Variants in TNFRSF19 observed in about 807,000 individuals in gnomAD.
TNFRSF19 encodes the protein tumor necrosis factor receptor superfamily member 19.
In TNFRSF19, 27 loss-of-function variants were observed where a neutral mutation model predicts 46.4. The observed-to-expected ratio is 0.58, with a 90% CI of 0.43 to 0.80. The LOEUF is 0.80. Ranked by LOEUF, TNFRSF19 falls within the 30% of genes least tolerant of loss-of-function variation. The pLI is 0.00. For synonymous variants in TNFRSF19, 204 were observed against 205.0 expected, an observed-to-expected ratio of 1.00 and a Z score of 0.04; for missense variants, 511 against 530.8, an observed-to-expected ratio of 0.96 and a Z score of 0.37.
At chr13:23,580,817 G>A (rs1317577683) in intron 1 of TNFRSF19, among the ~76,000 whole-genome samples, 1 of 152,192 alleles carries the variant, frequency 6.6e-6, no homozygotes, top group Non-Finnish European at 1.5e-5. Context: ...TATAGCCTTG[G>A]CATCAATGCA....
chr13:23,664,562 A>G (rs1248885230), intron 7 of TNFRSF19, among the ~76,000 whole-genome samples: 1 of 152,206 alleles, frequency 6.6e-6, no homozygotes, highest in East Asian at 1.9e-4. Flanking sequence ...CACCCATGGA[A>G]GCAAAACTAA....
intron 1 of TNFRSF19, among the ~76,000 whole-genome samples, chr13:23,588,518 G>T (rs1187979282): frequency 1.3e-5 from 2 of 152,190 alleles, no homozygotes; most frequent in African/African-American, 4.8e-5. Context: ...GGTATGTACT[G>T]ATTGACTTGT....
rs9578626 is a variant in TNFRSF19, at chr13:23,659,822, C to T, written c.611-543C>T. Among the ~76,000 whole-genome samples the T allele has an allele frequency of 0.015, 2,277 of 152,200 alleles. 62 individuals are homozygous for T. Among genetic ancestry groups the T allele is most frequent in the African/African-American group, 0.052 (2,169 of 41,524 alleles). ...ACCGGCCTATTATATGTATTATGCC[C>T]TGTATTCTTACATTAAAGTAAGCTA... On this transcript the variant is annotated intron_variant, in intron 6 of 9. Transcript: ENST00000248484. This position sits in a 1 kb window ranked among gnomAD's most constrained non-coding sequence, Gnocchi z 4.9.
Position 23,673,396 on chromosome 13 carries a change from C to G in TNFRSF19, c.*16C>G. 4 of 1,604,414 alleles carry G rather than the reference C, an allele frequency of 2.5e-6. No individual in the cohort carries two copies. The highest frequency in any genetic ancestry group is 1.3e-5 in the African/African-American group (1 of 74,858). On this transcript the variant is annotated 3_prime_UTR_variant, in exon 10 of 10. Transcript: ENST00000248484. ...GGAAGCTTAAAGAACCTGCTTCTTT[C>G]TGCAGTAGAAGCGTGTGCTGGAACC...
At chr13:23,578,247 C>T (rs1476297437) in intron 1 of TNFRSF19, among the ~76,000 whole-genome samples, 4 of 152,146 alleles carry the variant, frequency 2.6e-5, no homozygotes, top group Non-Finnish European at 5.9e-5. Context: ...GAAGCACACA[C>T]TTGCCTTGAG....
At chr13:23,585,966 C>T (rs1339998438) in intron 1 of TNFRSF19, among the ~76,000 whole-genome samples, 1 of 152,132 alleles carries the variant, frequency 6.6e-6, no homozygotes, top group East Asian at 1.9e-4. Flanking sequence ...TTAAGTGCTG[C>T]AGTGACTAAA....
intron 3 of TNFRSF19, 29 bp downstream of exon 3, chr13:23,593,484 A>G (rs1394420778): frequency 4.1e-6 from 6 of 1,464,106 alleles, no homozygotes; most frequent in Middle Eastern, 3.4e-4. Flanking sequence ...AAAGTTGTGT[A>G]TCTGTGTTTG....
intron 5 of TNFRSF19, among the ~76,000 whole-genome samples, chr13:23,645,540 C>T (rs1411054002): frequency 1.3e-5 from 2 of 152,196 alleles, no homozygotes; most frequent in Non-Finnish European, 2.9e-5. Context: ...AAGAATTCAT[C>T]CCGCAAAGCC....
At chr13:23,658,867 G>A (rs956572703) in intron 5 of TNFRSF19, among the ~76,000 whole-genome samples, 183 bp from the exon 6 acceptor site, 2 of 152,160 alleles carry the variant, frequency 1.3e-5, no homozygotes, top group African/African-American at 2.4e-5. Context: ...GTGGGGTGCC[G>A]GGTAAAGGTG....
At chr13:23,571,003 T>C (rs1252183819) in intron 1 of TNFRSF19, among the ~76,000 whole-genome samples, 155 bp downstream of exon 1, 1 of 152,244 alleles carries the variant, frequency 6.6e-6, no homozygotes, top group African/African-American at 2.4e-5. Flanking sequence ...TGATGCTGAA[T>C]GTGTGTATCA....
At chr13:23,660,721 G>T (rs1593296690) in intron 7 of TNFRSF19, among the ~76,000 whole-genome samples, 3 of 152,150 alleles carry the variant, frequency 2.0e-5, no homozygotes, top group Admixed American at 2.0e-4. Context: ...GAATTTTTCA[G>T]CAACTTTTGG....
At chr13:23,582,307 A>T (rs1878508040) in intron 1 of TNFRSF19, among the ~76,000 whole-genome samples, 1 of 151,356 alleles carries the variant, frequency 6.6e-6, no homozygotes, top group Non-Finnish European at 1.5e-5. Flanking sequence ...AGGCTGAGGC[A>T]GGAGAATGGC....
At chr13:23,644,603 A>T (rs1020589706) in intron 5 of TNFRSF19, among the ~76,000 whole-genome samples, 9 of 152,342 alleles carry the variant, frequency 5.9e-5, no homozygotes, top group African/African-American at 2.2e-4. Flanking sequence ...GAACAGACTA[A>T]TACACAGTTC....
chr13:23,665,462 T>A (rs934989975), intron 7 of TNFRSF19, among the ~76,000 whole-genome samples: 13 of 152,216 alleles, frequency 8.5e-5, no homozygotes, highest in African/African-American at 3.1e-4. Flanking sequence ...TGGCAGATAC[T>A]TTTTTCCCTT....
At chr13:23,582,504 T>C (rs937134740) in intron 1 of TNFRSF19, among the ~76,000 whole-genome samples, 2 of 152,240 alleles carry the variant, frequency 1.3e-5, no homozygotes, top group African/African-American at 4.8e-5. Flanking sequence ...CTGTCTCCGA[T>C]AAATATTACA....
At chr13:23,579,736 C>T (rs1335353717) in intron 1 of TNFRSF19, among the ~76,000 whole-genome samples, 1 of 152,142 alleles carries the variant, frequency 6.6e-6, no homozygotes, top group Admixed American at 6.5e-5. Flanking sequence ...TGACAGGCGG[C>T]GAGGCGGTGG....
At chr13:23,649,858 T>C (rs1055172807) in intron 5 of TNFRSF19, among the ~76,000 whole-genome samples, 1 of 152,210 alleles carries the variant, frequency 6.6e-6, no homozygotes, top group African/African-American at 2.4e-5. Context: ...TTGTGAACTT[T>C]CCAGTTTTCA....
intron 3 of TNFRSF19, among the ~76,000 whole-genome samples, chr13:23,614,681 A>G (rs1314398575): frequency 6.6e-6 from 1 of 150,856 alleles, no homozygotes; most frequent in Admixed American, 6.6e-5. Flanking sequence ...AACCATCACA[A>G]AGACCGACAA....
chr13:23,639,427 G>GC (rs1882899606), intron 5 of TNFRSF19, among the ~76,000 whole-genome samples: 1 of 152,134 alleles, frequency 6.6e-6, no homozygotes, highest in African/African-American at 2.4e-5. Context: ...AATTCATATA[G>GC]CCCCCGTAGC....
Sources: gnomAD v4.1 joint callset for allele counts (sites outside exome capture counted in the v4.1 genomes callset) on GRCh38, gnomAD v4.1.1 for gene constraint, Gnocchi (gnomAD v3.1) non-coding constraint, MANE v1.5 for transcripts, NCBI Gene and HGNC (gene_info 2026-07-23, HGNC 2026-07-21) for gene names.